SMIM35: variants seen among roughly 807,000 people sequenced by gnomAD.
SMIM35 encodes the protein TMPRSS4 antisense RNA 1 (non-protein coding).
At chr11:118,032,399 G>A (rs2058326860) in intron 1 of SMIM35, among the ~76,000 whole-genome samples, 1 of 152,034 alleles carries the variant, frequency 6.6e-6, no homozygotes, top group Non-Finnish European at 1.5e-5. Context: ...AGTTTAAGTG[G>A]ATATAGTAAA....
At chr11:118,014,365 CTCTG>C (rs1421879041) in intron 3 of SMIM35, among the ~76,000 whole-genome samples, 1 of 151,040 alleles carries the variant, frequency 6.6e-6, no homozygotes, top group Admixed American at 6.6e-5. Context: ...AGGAAGGCAG[CTCTG>C]TCTGCTTGGG....
intron 1 of SMIM35, among the ~76,000 whole-genome samples, chr11:118,037,672 C>T (rs1461239440): frequency 6.6e-6 from 1 of 152,182 alleles, no homozygotes; most frequent in Non-Finnish European, 1.5e-5. Context: ...GTTGATCTTG[C>T]AAGGTGACCA....
chr11:118,019,580 A>T (rs11216692), intron 1 of SMIM35, among the ~76,000 whole-genome samples: 14,610 of 152,208 alleles, frequency 0.096, 977 homozygotes, highest in East Asian at 0.37. Context: ...GTTTGCCTAT[A>T]GTGTCTTTTT....
At chr11:118,038,270 A>C (rs11216719) in intron 1 of SMIM35, among the ~76,000 whole-genome samples, 6,062 of 152,256 alleles carry the variant, frequency 0.04, 205 homozygotes, top group East Asian at 0.19. Flanking sequence ...TATAAACTAT[A>C]AGACACATTT....
chr11:118,028,730 A>C (rs1016209443), intron 1 of SMIM35: 1 of 411,262 alleles, frequency 2.4e-6, no homozygotes, highest in African/African-American at 2.1e-5. Flanking sequence ...TCAAGGGGTA[A>C]ATTAGGAGGT....
chr11:118,078,845 G>A (rs1224758601), intron 1 of SMIM35, among the ~76,000 whole-genome samples: 3 of 152,208 alleles, frequency 2.0e-5, no homozygotes, highest in Admixed American at 6.5e-5. Flanking sequence ...CCACGGAAAC[G>A]ATATGACCCA....
chr11:118,008,188 G>T (rs1034919972), intron 4 of SMIM35, among the ~76,000 whole-genome samples: 4 of 152,126 alleles, frequency 2.6e-5, no homozygotes, highest in Admixed American at 2.6e-4. Flanking sequence ...TGTTTTGCTG[G>T]CCTGCTGCTA....
rs150014267 is a variant in SMIM35 at position 118,035,681 on chromosome 11, T to C, written c.8-19872A>G. Among the ~76,000 whole-genome samples, 445 of 152,208 alleles carry C rather than the reference T, an allele frequency of 2.9e-3. 1 individual carries two copies. The highest frequency in any genetic ancestry group is 0.01 in the African/African-American group (433 of 41,554). On this transcript the variant is annotated intron_variant, in intron 1 of 4. Transcript: ENST00000689828. ...TCTGGGCCCCAGGAGGATTCCCTCC[T>C]GGAGACTCACACAGTGCTCCCTGCT...
intron 1 of SMIM35, among the ~76,000 whole-genome samples, chr11:118,083,511 A>T (rs910484425): frequency 6.6e-6 from 1 of 152,170 alleles, no homozygotes; most frequent in South Asian, 2.1e-4. Context: ...TATTACATAC[A>T]TGACAGGCCC....
intron 1 of SMIM35, among the ~76,000 whole-genome samples, chr11:118,020,001 C>T (rs765430226): frequency 9.9e-5 from 15 of 152,182 alleles, no homozygotes; most frequent in Non-Finnish European, 1.5e-4. Flanking sequence ...TGGTGTCTCA[C>T]GCCTGTAATC....
chr11:118,020,668 A>G (rs2058220814), intron 1 of SMIM35, among the ~76,000 whole-genome samples: 1 of 152,128 alleles, frequency 6.6e-6, no homozygotes, highest in Admixed American at 6.6e-5. Context: ...TGTTTTGTGT[A>G]TATTGGTTTT....
intron 4 of SMIM35, among the ~76,000 whole-genome samples, chr11:118,008,669 GT>G (rs1264110673): frequency 6.6e-6 from 1 of 152,214 alleles, no homozygotes; most frequent in Non-Finnish European, 1.5e-5. Flanking sequence ...AAAAGTTTTG[GT>G]TTTCAGAGCA....
At chr11:118,082,641 G>T (rs557221340) in intron 1 of SMIM35, among the ~76,000 whole-genome samples, 1 of 152,158 alleles carries the variant, frequency 6.6e-6, no homozygotes, top group Non-Finnish European at 1.5e-5. Flanking sequence ...AGGGCAAAGG[G>T]AAAACCAGTA....
At chr11:118,056,624 G>A (rs542448960) in intron 1 of SMIM35, among the ~76,000 whole-genome samples, 10 of 152,284 alleles carry the variant, frequency 6.6e-5, no homozygotes, top group South Asian at 2.1e-4. Flanking sequence ...AGGTGTAATC[G>A]CAGAAGGGGA....
chr11:118,071,830 C>T (rs1450805012), intron 1 of SMIM35, among the ~76,000 whole-genome samples: 1 of 152,136 alleles, frequency 6.6e-6, no homozygotes, highest in African/African-American at 2.4e-5. Flanking sequence ...ATTCAAATCA[C>T]CTGGGGATCT....
At chr11:118,024,972 A>C (rs1039651340) in intron 1 of SMIM35, among the ~76,000 whole-genome samples, 1 of 151,972 alleles carries the variant, frequency 6.6e-6, no homozygotes, top group African/African-American at 2.4e-5. Context: ...TTCCCTGTCC[A>C]TATGTACCCA....
chr11:118,065,971 A>G (rs1944467993), intron 1 of SMIM35, among the ~76,000 whole-genome samples: 1 of 152,106 alleles, frequency 6.6e-6, no homozygotes, highest in Admixed American at 6.5e-5. Context: ...GGACACCATT[A>G]CTGCCTGATT....
At chr11:118,066,908 C>G (rs921454751) in intron 1 of SMIM35, among the ~76,000 whole-genome samples, 1 of 151,024 alleles carries the variant, frequency 6.6e-6, no homozygotes, top group Non-Finnish European at 1.5e-5. Context: ...GAGATTGTTA[C>G]AATTTTACAC....
intron 1 of SMIM35, among the ~76,000 whole-genome samples, chr11:118,084,707 C>T (rs1289040537): frequency 6.6e-6 from 1 of 152,202 alleles, no homozygotes; most frequent in Non-Finnish European, 1.5e-5. Context: ...TACTAAACTC[C>T]TCTATGTTTC....
Sources: gnomAD v4.1 joint callset for allele counts (sites outside exome capture counted in the v4.1 genomes callset) on GRCh38, gnomAD v4.1.1 for gene constraint, MANE v1.5 for transcripts, NCBI Gene and HGNC (gene_info 2026-07-23, HGNC 2026-07-21) for gene names.